The following SMYD3 variants were observed in gnomAD, a reference collection of about 807,000 sequenced individuals.
The protein encoded by SMYD3 is SET and MYND domain containing 3, also known as histone-lysine N-methyltransferase SMYD3.
Under a neutral mutation model 57.7 loss-of-function variants are expected in SMYD3, and 36 were observed. The ratio of observed to expected loss-of-function variants is 0.62; its 90% CI spans 0.48 to 0.82. The LOEUF is 0.82. Among genes scored for constraint, SMYD3 ranks in the 40% least tolerant of loss-of-function variants. The pLI is 0.00. For missense variants in SMYD3, 515 were observed against 538.8 expected (o/e 0.96, Z 0.44); for synonymous variants, 211 against 195.0 (o/e 1.08, Z -0.68).
chr1:245,829,088 CT>C (rs1326594377), intron 10 of SMYD3, among the ~76,000 whole-genome samples: 3 of 127,722 alleles, frequency 2.3e-5, no homozygotes, highest in Admixed American at 8.2e-5. Flanking sequence ...TTTTTTTTTT[CT>C]GTACTGCCCT....
At chr1:245,957,445 T>G (rs187099677) in intron 5 of SMYD3, among the ~76,000 whole-genome samples, 63 of 152,328 alleles carry the variant, frequency 4.1e-4, no homozygotes, top group African/African-American at 1.4e-3. Flanking sequence ...TTAGAGGAAA[T>G]TAAAATGTGG....
chr1:246,239,991 C>T (rs1321043308), intron 5 of SMYD3, among the ~76,000 whole-genome samples: 1 of 152,094 alleles, frequency 6.6e-6, no homozygotes, highest in Non-Finnish European at 1.5e-5. Flanking sequence ...TGGATATCAG[C>T]CCTTTGTCAG....
chr1:246,057,053 C>T (rs909672355), intron 5 of SMYD3, among the ~76,000 whole-genome samples: 1 of 152,140 alleles, frequency 6.6e-6, no homozygotes, highest in African/African-American at 2.4e-5. Context: ...GTCCCAGCTA[C>T]TCCGGAAGCT....
At chr1:245,997,578 T>G (rs1444249083) in intron 5 of SMYD3, among the ~76,000 whole-genome samples, 1 of 152,222 alleles carries the variant, frequency 6.6e-6, no homozygotes, top group Non-Finnish European at 1.5e-5. Flanking sequence ...AGATGTGGGC[T>G]GGCTGGCTGG....
chr1:246,491,409 G>A (rs139259002), intron 1 of SMYD3, among the ~76,000 whole-genome samples: 5 of 152,180 alleles, frequency 3.3e-5, no homozygotes, highest in East Asian at 1.9e-4. Flanking sequence ...GCATGGTAGC[G>A]GACACCGGTA....
chr1:245,759,855 C>T (rs1428879121), intron 11 of SMYD3, among the ~76,000 whole-genome samples: 4 of 152,048 alleles, frequency 2.6e-5, no homozygotes, highest in African/African-American at 9.7e-5. Flanking sequence ...ACACTAGGGC[C>T]AGGGTGAGGG....
intron 1 of SMYD3, among the ~76,000 whole-genome samples, chr1:246,505,641 A>C (rs186725319): frequency 1.4e-5 from 2 of 147,384 alleles, no homozygotes; most frequent in Admixed American, 6.8e-5. Context: ...AAACTCTTTC[A>C]TTAAATTCCT....
chr1:246,339,646 C>T lies in SMYD3; in HGVS notation c.229-4172G>A, dbSNP rs145150187. 4.4e-3 allele frequency among the ~76,000 whole-genome samples: 669 copies of T among 152,258 alleles called. 4 individuals carry two copies. Among genetic ancestry groups the T allele is most frequent in the Middle Eastern group, 0.01 (3 of 294 alleles). On this transcript the variant is annotated intron_variant, in intron 2 of 11. Transcript: ENST00000490107. Reference sequence around the variant, plus strand: ...ACACTACCCATGAGACAGAATCAAGCATCCCACTGCAGGGCTGCTATGGTT... The same window carrying T: ...ACACTACCCATGAGACAGAATCAAGTATCCCACTGCAGGGCTGCTATGGTT...
intron 5 of SMYD3, among the ~76,000 whole-genome samples, chr1:246,097,673 T>A (rs1297808010): frequency 1.3e-5 from 2 of 151,950 alleles, no homozygotes; most frequent in South Asian, 2.1e-4. Flanking sequence ...GCTGTACCAC[T>A]GCCTGAGAAG....
Position 246,064,859 on chromosome 1 carries a change from A to G in SMYD3, c.532-134922T>C, listed in dbSNP as rs61197583. On this transcript the variant is annotated intron_variant, in intron 5 of 11. Coordinates refer to ENST00000490107, the MANE Select transcript of SMYD3 (RefSeq NM_001167740.2). ...TATCCTCTTTGCATTGGCTTTGTTC[A>G]AAAGCTAACAGCCAAATATGTGGTG... 9.6e-3 allele frequency among the ~76,000 whole-genome samples: 1,467 copies of G among 152,354 alleles called. 20 individuals carry two copies. Among genetic ancestry groups the G allele is most frequent in the African/African-American group, 0.033 (1,372 of 41,582 alleles).
intron 1 of SMYD3, among the ~76,000 whole-genome samples, chr1:246,505,429 G>GAGCAGCAGCAGCAGC (rs111391483): frequency 6.6e-6 from 1 of 151,604 alleles, no homozygotes; most frequent in Non-Finnish European, 1.5e-5. Context: ...GTTTCCCAAG[G>GAGCAGCAGCAGCAGC]AGCAGCAGCA....
At position 246,056,480 on chromosome 1, in the gene SMYD3, C is replaced by T. The variant is rs542318823; in HGVS notation, c.532-126543G>A. On this transcript the variant is annotated intron_variant, in intron 5 of 11. Coordinates refer to ENST00000490107, the MANE Select transcript of SMYD3 (RefSeq NM_001167740.2). ...TATGAAGTCGTTTATCCAGGTCACA[C>T]GAGATTAAGTGGCAAAGCTCAGTTT... Among the ~76,000 whole-genome samples the T allele has an allele frequency of 2.3e-4, 35 of 152,124 alleles. No homozygotes were observed. The Middle Eastern group carries it at 0.014, about 59-fold the overall frequency.
intron 10 of SMYD3, among the ~76,000 whole-genome samples, chr1:245,823,076 C>A (rs1335769688): frequency 6.6e-6 from 1 of 152,076 alleles, no homozygotes; most frequent in African/African-American, 2.4e-5. Context: ...GCACAAGGGC[C>A]CTGACGAGGG....
At position 246,101,734 on chromosome 1, in the gene SMYD3, GAA is replaced by G. The variant is rs1376144644; in HGVS notation, c.532-171799_532-171798del. 3.3e-5 allele frequency among the ~76,000 whole-genome samples: 5 copies of G among 152,190 alleles called. No homozygotes were observed. In the South Asian group the frequency reaches 6.2e-4, roughly 19 times the overall value. ...TATTCAACACAACAGTTCAAGGAAT[GAA>G]AAGATTCCCTCTTTTTCTTTAACAT... On this transcript the variant is annotated intron_variant, in intron 5 of 11. Transcript: ENST00000490107.
intron 8 of SMYD3, among the ~76,000 whole-genome samples, chr1:245,883,637 C>A (rs1022595852): frequency 6.6e-6 from 1 of 152,208 alleles, no homozygotes; most frequent in Non-Finnish European, 1.5e-5. Flanking sequence ...CCCTGCTCTT[C>A]ACTGTCCTTC....
At chr1:246,304,859 G>A (rs992792257) in intron 5 of SMYD3, among the ~76,000 whole-genome samples, 10 of 152,134 alleles carry the variant, frequency 6.6e-5, no homozygotes, top group African/African-American at 2.4e-4. Context: ...GCTGCGGCTT[G>A]TTTGTTTTTA....
At chr1:246,282,914 G>A (rs1400598398) in intron 5 of SMYD3, among the ~76,000 whole-genome samples, 2 of 152,128 alleles carry the variant, frequency 1.3e-5, no homozygotes, top group Non-Finnish European at 2.9e-5. Context: ...CTCCAAACAA[G>A]AATAAATAAT....
chr1:246,049,167 C>G (rs554922363), intron 5 of SMYD3, among the ~76,000 whole-genome samples: 1 of 150,898 alleles, frequency 6.6e-6, no homozygotes, highest in African/African-American at 2.4e-5. Context: ...GAGCCCAGTT[C>G]TAGTTGCAGG....
intron 5 of SMYD3, among the ~76,000 whole-genome samples, chr1:246,129,493 A>C (rs1340330005): frequency 6.6e-6 from 1 of 152,072 alleles, no homozygotes. Context: ...CATTTGGTGA[A>C]ACTATCTTTG....
Sources: gnomAD v4.1 joint callset for allele counts (sites outside exome capture counted in the v4.1 genomes callset) on GRCh38, gnomAD v4.1.1 for gene constraint, MANE v1.5 for transcripts, NCBI Gene and HGNC (gene_info 2026-07-23, HGNC 2026-07-21) for gene names.